The following IFITM10 variants were observed in gnomAD, a reference collection of about 807,000 sequenced individuals.
The protein encoded by IFITM10 is interferon-induced transmembrane protein 10.
In IFITM10, 17 loss-of-function variants were observed where a neutral mutation model predicts 19.0. The ratio of observed to expected loss-of-function variants is 0.90; its 90% CI spans 0.61 to 1.34. The LOEUF (loss-of-function observed/expected upper bound fraction) is 1.34, where lower values mean the gene tolerates loss of function less well. Ranked by LOEUF, IFITM10 falls within the 40% of genes most tolerant of loss-of-function variation. The pLI is 0.00. For missense variants in IFITM10, 306 were observed against 319.8 expected (o/e 0.96, Z 0.33); for synonymous variants, 148 against 147.2 (o/e 1.01, Z -0.04).
chr11:1,744,255 C>A (rs1845610167), intron 2 of IFITM10: 1 of 152,318 alleles, frequency 6.6e-6, no homozygotes, highest in Non-Finnish European at 1.5e-5. Context: ...CTGCCTTGGG[C>A]ACAGATTGGC....
At chr11:1,737,343 C>T (rs1237739735) in intron 2 of IFITM10, among the ~76,000 whole-genome samples, 1 of 152,224 alleles carries the variant, frequency 6.6e-6, no homozygotes, top group Non-Finnish European at 1.5e-5. Context: ...ATCATATCTA[C>T]AGCAAATACT....
In IFITM10 at chr11:1,741,068, A is replaced by G. The variant is rs541576058; in HGVS notation, c.538-5639T>C. Among the ~76,000 whole-genome samples the G allele has an allele frequency of 9.2e-5, 14 of 152,180 alleles. No individual in the cohort carries two copies. The South Asian group carries it at 2.9e-3, about 32-fold the overall frequency. On this transcript the variant is annotated intron_variant, in intron 2 of 2. Coordinates refer to ENST00000340134, the MANE Select transcript of IFITM10 (RefSeq NM_001170820.4). ...CAGATACCAGCACCATGCTGCCTGT[A>G]CAGCCTGCCGAACCATGAGCCAATT...
intron 2 of IFITM10, among the ~76,000 whole-genome samples, chr11:1,747,395 G>T (rs982586211): frequency 2.9e-5 from 4 of 137,324 alleles, no homozygotes; most frequent in Non-Finnish European, 6.2e-5. Context: ...TGCAGGTTCC[G>T]CTGAGCTGGC....
At position 1,747,988 on chromosome 11, in the gene IFITM10, G is replaced by T; in HGVS notation, c.216C>A (p.Gly72=). 6 of 1,447,386 alleles carry T rather than the reference G, an allele frequency of 4.1e-6. No homozygotes were observed. Among genetic ancestry groups the T allele is most frequent in the Non-Finnish European group, 5.4e-6 (6 of 1,101,072 alleles). 89.7% of individuals were successfully genotyped at this position (1,447,386 alleles called of 1,614,324 possible). A position where few individuals can be genotyped will look rare whatever the true frequency, so the allele number is the denominator to read the frequency against. Residue 72 remains glycine (G), a synonymous_variant, in exon 2 of 3, where the codon GGC becomes GGA. Coordinates refer to ENST00000340134, the MANE Select transcript of IFITM10 (RefSeq NM_001170820.4). The stretch of plus-strand genomic sequence containing the variant: ...GGGGCTTGGACACGCAAGCGAAGCA[G>T]CCCTTGGGCGAACCTGCCGGGGGCC... The part of the protein sequence containing the change: ...IPRPPAGSPK[G]CFACVSKPPA...
At position 1,747,844 on chromosome 11, in the gene IFITM10, G is replaced by A. The variant is rs1159519218; in HGVS notation, c.360C>T (p.Gly120=). ...SSKTDSVRAA[G]APPACKHLAE... is the part of the protein sequence containing the mutation. ...CTAGGTGCTTGCAGGCAGGGGGCGC[G>A]CCGGCAGCCCGCACGCTGTCGGTCT... Residue 120 remains glycine (G), a synonymous_variant, in exon 2 of 3, where the codon GGC becomes GGT. Transcript: ENST00000340134. 5.2e-6 allele frequency: 8 copies of A among 1,545,298 alleles called. No homozygotes were observed. The highest frequency in any genetic ancestry group is 2.7e-5 in the African/African-American group (2 of 73,084).
chr11:1,743,433 G>A (rs966254744), intron 2 of IFITM10, among the ~76,000 whole-genome samples: 2 of 151,442 alleles, frequency 1.3e-5, no homozygotes, highest in Non-Finnish European at 2.9e-5. Context: ...ATGGATAGAT[G>A]AAGGACAGAT....
intron 2 of IFITM10, chr11:1,744,629 CCCATGTGGGTGGG>C (rs925162257): frequency 6.9e-6 from 1 of 145,442 alleles, no homozygotes; most frequent in African/African-American, 2.6e-5. Context: ...GCCGAATTGG[CCCATGTGGGTGGG>C]GGGGGTGGAT....
chr11:1,742,563 G>A (rs376612889), intron 2 of IFITM10, among the ~76,000 whole-genome samples: 4 of 152,194 alleles, frequency 2.6e-5, no homozygotes, highest in African/African-American at 4.8e-5. Context: ...GAGGAAGGGC[G>A]GGTGGATGTC....
intron 2 of IFITM10, among the ~76,000 whole-genome samples, 189 bp from the exon 3 acceptor site, chr11:1,735,618 C>T (rs4752755): frequency 0.4 from 61,202 of 152,104 alleles, 15,023 homozygotes; most frequent in East Asian, 0.59. Context: ...CACGGATGAA[C>T]TTGGGGCACG....
chr11:1,747,245 G>A (rs1208527492), intron 2 of IFITM10, among the ~76,000 whole-genome samples: 2 of 152,114 alleles, frequency 1.3e-5, no homozygotes, highest in Admixed American at 6.5e-5. Flanking sequence ...CTTTCCATAG[G>A]GGTAGGATTC....
intron 1 of IFITM10, chr11:1,748,956 C>A: frequency 1.2e-6 from 1 of 807,842 alleles, no homozygotes; most frequent in Non-Finnish European, 1.5e-6. Flanking sequence ...GCGGCCGAGG[C>A]TCTGCAGCCC....
chr11:1,746,368 A>G, intron 2 of IFITM10: 1 of 395,282 alleles, frequency 2.5e-6, no homozygotes, highest in Non-Finnish European at 4.5e-6. Flanking sequence ...ACACAAAAAT[A>G]TATGTACACA....
chr11:1,745,491 C>A (rs1232954532), intron 2 of IFITM10: 2 of 152,614 alleles, frequency 1.3e-5, no homozygotes, highest in East Asian at 3.8e-4. Flanking sequence ...CACACACACA[C>A]ACACGCAGGA....
chr11:1,745,759 ACT>A (rs1845634791), intron 2 of IFITM10: 2 of 151,000 alleles, frequency 1.3e-5, no homozygotes, highest in African/African-American at 2.5e-5. Flanking sequence ...TGCCATGCAC[ACT>A]CGTGCGATTA....
intron 2 of IFITM10, among the ~76,000 whole-genome samples, chr11:1,739,885 G>A (rs1256751025): frequency 6.6e-6 from 1 of 152,168 alleles, no homozygotes; most frequent in African/African-American, 2.4e-5. Flanking sequence ...GAGGACATAC[G>A]GTCAGAGGAG....
intron 2 of IFITM10, 80 bp downstream of exon 2, chr11:1,747,587 C>G (rs1845665509): frequency 7.8e-6 from 10 of 1,282,498 alleles, no homozygotes; most frequent in Non-Finnish European, 1.1e-5. Flanking sequence ...GGAGAGGGGC[C>G]GAGCGCCCAC....
rs1287231483 is a variant in IFITM10 at position 1,735,353 on chromosome 11, G to T, written c.614C>A (p.Thr205Asn). The change falls in exon 3 of 3, where the codon ACC (threonine) becomes AAC (asparagine). Residue 205 changes from threonine to asparagine, a missense_variant. By Grantham distance (65) the Thr-to-Asn change is moderately conservative (BLOSUM62 0). Transcript: ENST00000340134. ...GCAGGAGGCTGCCAGGGCAGAACTG[G>T]TGATGTTGAACAGCCGGGCCGTCTT... is the stretch of plus-strand genomic sequence containing the variant. ...DAKTARLFNI[T>N]SSALAASCII... is the part of the protein sequence containing the mutation. The T allele has an allele frequency of 2.6e-6, 4 of 1,551,730 alleles. No homozygotes were observed. Among genetic ancestry groups the T allele is most frequent in the Non-Finnish European group, 3.5e-6 (4 of 1,146,972 alleles).
chr11:1,750,394 TC>T lies in IFITM10; in HGVS notation c.48del (p.Thr17LeufsTer112), dbSNP rs1316928431. ...RGPPCILSFR[G>X]TLERVEAQWE... ...CACTGAGCCTCGACCCTCTCCAAAG[TC>T]CCCCGGAAGCTGAGGATGCATGGCG... On this transcript the variant is annotated frameshift_variant, in exon 1 of 3. Coordinates refer to ENST00000340134, the MANE Select transcript of IFITM10 (RefSeq NM_001170820.4). LOFTEE classifies it high-confidence loss of function. 2 of 1,549,970 alleles carry T rather than the reference TC, an allele frequency of 1.3e-6. No homozygotes were observed. The highest frequency in any genetic ancestry group is 1.7e-6 in the Non-Finnish European group (2 of 1,146,862).
At chr11:1,744,906 C>G (rs147635157) in intron 2 of IFITM10, 15 of 152,398 alleles carry the variant, frequency 9.8e-5, no homozygotes, top group African/African-American at 3.6e-4. Flanking sequence ...GGGTGCAGGT[C>G]AGGAGACCTG....
Sources: gnomAD v4.1 joint callset for allele counts (sites outside exome capture counted in the v4.1 genomes callset) on GRCh38, gnomAD v4.1.1 for gene constraint, MANE v1.5 for transcripts, NCBI Gene and HGNC (gene_info 2026-07-23, HGNC 2026-07-21) for gene names.